Variants in LRRC28 observed in about 807,000 individuals in gnomAD.
The protein encoded by LRRC28 is leucine-rich repeat-containing protein 28.
In LRRC28, 39 loss-of-function variants were observed where a neutral mutation model predicts 45.7. That is an observed-to-expected ratio of 0.85 (90% CI 0.66 to 1.12). LRRC28 has a LOEUF of 1.12. Ranked by LOEUF, LRRC28 falls within the 50% of genes most tolerant of loss-of-function variation. The pLI is 0.00. For missense variants in LRRC28, 435 were observed against 438.5 expected, an observed-to-expected ratio of 0.99 and a Z score of 0.07; for synonymous variants, 206 against 178.8, an observed-to-expected ratio of 1.15 and a Z score of -1.22.
At chr15:99,321,835 T>G (rs1319726575) in intron 5 of LRRC28, among the ~76,000 whole-genome samples, 1 of 152,222 alleles carries the variant, frequency 6.6e-6, no homozygotes, top group African/African-American at 2.4e-5. Context: ...CCTGTTCTTA[T>G]GAAATTTATT....
intron 2 of LRRC28, chr15:99,259,267 T>C: frequency 9.3e-7 from 1 of 1,070,574 alleles, no homozygotes; most frequent in Non-Finnish European, 1.5e-6. Flanking sequence ...AGGCTGAATC[T>C]TCTCCATTTG....
intron 6 of LRRC28, among the ~76,000 whole-genome samples, chr15:99,341,600 A>G (rs996031186): frequency 6.6e-6 from 1 of 152,122 alleles, no homozygotes; most frequent in Non-Finnish European, 1.5e-5. Flanking sequence ...TTTTTCTCTA[A>G]GTTTTGGAGT....
chr15:99,338,225 G>C (rs887902098), intron 6 of LRRC28: 3 of 152,172 alleles, frequency 2.0e-5, no homozygotes, highest in Non-Finnish European at 1.5e-5. Flanking sequence ...ATGAAGATCG[G>C]TGTGGAAATT....
chr15:99,363,655 G>A (rs1332934890), intron 9 of LRRC28, among the ~76,000 whole-genome samples: 1 of 152,212 alleles, frequency 6.6e-6, no homozygotes, highest in African/African-American at 2.4e-5. Flanking sequence ...GTGTGATTGA[G>A]TTCTCTGTAT....
chr15:99,266,428 C>T, intron 2 of LRRC28, among the ~76,000 whole-genome samples: 1 of 151,796 alleles, frequency 6.6e-6, no homozygotes, highest in East Asian at 1.9e-4. Context: ...CATGTGAGCC[C>T]AGGAGTTTGA....
chr15:99,282,744 G>T (rs898683418), intron 3 of LRRC28, among the ~76,000 whole-genome samples: 3 of 152,122 alleles, frequency 2.0e-5, no homozygotes, highest in Non-Finnish European at 2.9e-5. Context: ...ATCACCTAAC[G>T]ACACATTTCT....
At chr15:99,285,223 A>G (rs985158682) in intron 3 of LRRC28, 9 of 731,600 alleles carry the variant, frequency 1.2e-5, no homozygotes, top group African/African-American at 1.7e-5. Flanking sequence ...ATCTTAGGTA[A>G]TGTTCTTCAG....
intron 9 of LRRC28, among the ~76,000 whole-genome samples, chr15:99,376,210 T>A (rs951607712): frequency 1.3e-5 from 2 of 152,166 alleles, no homozygotes; most frequent in Non-Finnish European, 2.9e-5. Context: ...AGATTTCCTT[T>A]TTGACCTATG....
At chr15:99,288,245 A>G (rs2082011227) in intron 5 of LRRC28, among the ~76,000 whole-genome samples, 1 of 152,236 alleles carries the variant, frequency 6.6e-6, no homozygotes, top group Non-Finnish European at 1.5e-5. Flanking sequence ...GAGTTACTTC[A>G]GTTCTGAATT....
intron 2 of LRRC28, among the ~76,000 whole-genome samples, chr15:99,265,736 TGAGAGGTAA>T (rs1331866651): frequency 7.2e-5 from 11 of 152,196 alleles, no homozygotes; most frequent in Non-Finnish European, 1.2e-4. Flanking sequence ...AACTCAGGAC[TGAGAGGTAA>T]GAGAGGTAAG....
At chr15:99,281,375 C>T (rs895872776) in intron 3 of LRRC28, among the ~76,000 whole-genome samples, 1 of 152,182 alleles carries the variant, frequency 6.6e-6, no homozygotes, top group Non-Finnish European at 1.5e-5. Context: ...CCTCAGCCTC[C>T]CAAAGCTCTG....
At chr15:99,259,383 A>G in intron 2 of LRRC28, 1 of 1,555,416 alleles carries the variant, frequency 6.4e-7, no homozygotes, top group Non-Finnish European at 8.9e-7. Flanking sequence ...AGGTTCCAGA[A>G]TGTTGCCAAG....
Position 99,386,410 on chromosome 15 carries a change from A to G in LRRC28, c.*308A>G. The G allele has an allele frequency of 3.6e-6, 1 of 277,940 alleles. No individual in the cohort carries two copies. 17.2% of individuals were successfully genotyped at this position (277,940 alleles called of 1,614,324 possible). A position where few individuals can be genotyped will look rare whatever the true frequency, so the allele number is the denominator to read the frequency against. On this transcript the variant is annotated 3_prime_UTR_variant, in exon 10 of 10. Transcript: ENST00000301981. Reference sequence around the variant, plus strand: ...AAAGCAAGTTTCCGGTCCTTGGAGAACAGTGACTTGATCATCTAGCCAGAT... The same window carrying G: ...AAAGCAAGTTTCCGGTCCTTGGAGAGCAGTGACTTGATCATCTAGCCAGAT...
At chr15:99,316,563 C>A (rs1442540903) in intron 5 of LRRC28, among the ~76,000 whole-genome samples, 1 of 152,072 alleles carries the variant, frequency 6.6e-6, no homozygotes, top group East Asian at 1.9e-4. Flanking sequence ...TTATGAGGAA[C>A]TTTTAAATTC....
chr15:99,307,666 T>C (rs1955236586), intron 5 of LRRC28, among the ~76,000 whole-genome samples: 1 of 152,240 alleles, frequency 6.6e-6, no homozygotes, highest in African/African-American at 2.4e-5. Flanking sequence ...ATTTCTATCC[T>C]CTTAGAGTCC....
intron 5 of LRRC28, among the ~76,000 whole-genome samples, chr15:99,290,227 C>A (rs1485292170): frequency 6.6e-6 from 1 of 150,498 alleles, no homozygotes; most frequent in Non-Finnish European, 1.5e-5. Flanking sequence ...CCACTGCACT[C>A]CAGCCTGGGT....
At position 99,388,027 on chromosome 15, in the gene LRRC28, G is replaced by T. The variant is rs2152565201; in HGVS notation, c.*1925G>T. 1 of 152,246 alleles carries T rather than the reference G, an allele frequency of 6.6e-6. No individual in the cohort carries two copies. Among genetic ancestry groups the T allele is most frequent in the South Asian group, 2.1e-4 (1 of 4,826 alleles). The allele number at this position is 152,246 out of a possible 1,614,324, so 9.4% of individuals were successfully genotyped here. A position where few individuals can be genotyped will look rare whatever the true frequency, so the allele number is the denominator to read the frequency against. On this transcript the variant is annotated 3_prime_UTR_variant, in exon 10 of 10. Transcript: ENST00000301981. ...TCCTCTTGTCCCTTTTCATATCTTG[G>T]TCTATTCAGCCTTAACATTTCAAAG...
At chr15:99,292,267 C>A (rs1298007371) in intron 5 of LRRC28, among the ~76,000 whole-genome samples, 1 of 151,952 alleles carries the variant, frequency 6.6e-6, no homozygotes, top group African/African-American at 2.4e-5. Flanking sequence ...TCAGCTCTTT[C>A]TCTCTTTTCT....
At chr15:99,347,672 A>T (rs773178017) in intron 6 of LRRC28, among the ~76,000 whole-genome samples, 2 of 152,204 alleles carry the variant, frequency 1.3e-5, no homozygotes, top group African/African-American at 2.4e-5. Flanking sequence ...TTATCTAGTC[A>T]TTCATCAATG....
Sources: allele counts gnomAD v4.1 joint callset (sites outside exome capture counted in the v4.1 genomes callset), GRCh38; gene constraint gnomAD v4.1.1; transcripts MANE v1.5; gene names NCBI Gene and HGNC (gene_info 2026-07-23, HGNC 2026-07-21).